The following EXOC4 variants were observed in gnomAD, a reference collection of about 807,000 sequenced individuals.
The protein encoded by EXOC4 is SEC8-like 1.
Under a neutral mutation model 107.2 loss-of-function variants are expected in EXOC4, and 71 were observed. The ratio of observed to expected loss-of-function variants is 0.66; its 90% CI spans 0.55 to 0.81. The LOEUF (loss-of-function observed/expected upper bound fraction) is 0.81, where lower values mean the gene tolerates loss of function less well. Ranked by LOEUF, EXOC4 falls within the 30% of genes least tolerant of loss-of-function variation. EXOC4 has a pLI of 0.00. For synonymous variants in EXOC4, 456 were observed against 441.2 expected (o/e 1.03, Z -0.42); for missense variants, 1,108 against 1,189.6 (o/e 0.93, Z 1.01).
intron 12 of EXOC4, among the ~76,000 whole-genome samples, chr7:133,917,031 A>G (rs1799824954): frequency 1.3e-5 from 2 of 152,196 alleles, no homozygotes; most frequent in South Asian, 4.1e-4. Context: ...GCAGTAATCA[A>G]AGGCTTTTTC....
rs373394233 is a variant in EXOC4, at chr7:134,006,826, CA to C, written c.2528-849del. On this transcript the variant is annotated intron_variant, in intron 16 of 17. Coordinates refer to ENST00000253861, the MANE Select transcript of EXOC4 (RefSeq NM_021807.4). ...AATCCAGCTTTTAAAAATAGTAACC[CA>C]TATGTGCCTCACGTTGTTCTGAACC... is the stretch of plus-strand genomic sequence containing the variant. Among the ~76,000 whole-genome samples the C allele has an allele frequency of 3.9e-5, 6 of 152,278 alleles. No individual in the cohort carries two copies. In the East Asian group the frequency reaches 7.7e-4, roughly 20 times the overall value.
chr7:133,258,681 A>G (rs1232287219), intron 1 of EXOC4, among the ~76,000 whole-genome samples: 5 of 152,180 alleles, frequency 3.3e-5, no homozygotes, highest in Non-Finnish European at 5.9e-5. Flanking sequence ...GATAGCAACC[A>G]GGCTATAATG....
intron 10 of EXOC4, among the ~76,000 whole-genome samples, chr7:133,633,147 A>G (rs1335663725): frequency 6.6e-6 from 1 of 152,196 alleles, no homozygotes; most frequent in African/African-American, 2.4e-5. Context: ...TGCAAAAATG[A>G]AGAAGCCTGA....
At chr7:133,264,697 TATG>T (rs1189376193) in intron 1 of EXOC4, among the ~76,000 whole-genome samples, 7 of 152,288 alleles carry the variant, frequency 4.6e-5, no homozygotes, top group Non-Finnish European at 7.4e-5. Flanking sequence ...AACTCAGAAT[TATG>T]ATGAGGGTCT....
intron 10 of EXOC4, among the ~76,000 whole-genome samples, chr7:133,753,585 T>C (rs1346211488): frequency 6.6e-6 from 1 of 152,236 alleles, no homozygotes; most frequent in Non-Finnish European, 1.5e-5. Context: ...AAGAGCTCGA[T>C]GAATGTTATA....
chr7:133,491,682 A>G (rs1225969643), intron 9 of EXOC4, among the ~76,000 whole-genome samples: 1 of 152,164 alleles, frequency 6.6e-6, no homozygotes, highest in African/African-American at 2.4e-5. Flanking sequence ...GGGGTTCTAG[A>G]TGCTGTAGAA....
chr7:133,821,480 AC>A (rs1174151620), intron 11 of EXOC4, among the ~76,000 whole-genome samples: 1 of 152,206 alleles, frequency 6.6e-6, no homozygotes, highest in East Asian at 1.9e-4. Flanking sequence ...GAGCATTTAG[AC>A]AATTTTTTTT....
At chr7:134,000,129 C>G (rs943892899) in intron 15 of EXOC4, among the ~76,000 whole-genome samples, 17 of 152,094 alleles carry the variant, frequency 1.1e-4, no homozygotes, top group African/African-American at 4.1e-4. Context: ...GGTTCCAACA[C>G]TCAGGTTGCT....
At chr7:133,963,049 A>T (rs1408247173) in intron 14 of EXOC4, among the ~76,000 whole-genome samples, 1 of 152,248 alleles carries the variant, frequency 6.6e-6, no homozygotes, top group African/African-American at 2.4e-5. Flanking sequence ...ACAGGGTGGC[A>T]GCATGATAAA....
intron 10 of EXOC4, among the ~76,000 whole-genome samples, chr7:133,734,740 T>A (rs950882372): frequency 6.6e-6 from 1 of 152,080 alleles, no homozygotes; most frequent in African/African-American, 2.4e-5. Context: ...TTAGATATGC[T>A]GAACTGGTAA....
chr7:133,538,525 G>C (rs754386952), intron 9 of EXOC4, among the ~76,000 whole-genome samples: 3 of 151,984 alleles, frequency 2.0e-5, no homozygotes. Flanking sequence ...GTATGAAAAA[G>C]GATTTGTAGG....
chr7:133,686,807 T>C (rs982717589), intron 10 of EXOC4, among the ~76,000 whole-genome samples: 1 of 152,004 alleles, frequency 6.6e-6, no homozygotes, highest in Non-Finnish European at 1.5e-5. Flanking sequence ...AGAGATTCCT[T>C]AAAGAACTAA....
chr7:133,492,719 CT>C (rs1207271059), intron 9 of EXOC4, among the ~76,000 whole-genome samples: 42 of 152,012 alleles, frequency 2.8e-4, no homozygotes, highest in Non-Finnish European at 5.3e-4. Context: ...AATATGAATT[CT>C]TTAATTTTTA....
chr7:133,527,724 TG>T (rs1800107078), intron 9 of EXOC4, among the ~76,000 whole-genome samples: 1 of 152,180 alleles, frequency 6.6e-6, no homozygotes, highest in Non-Finnish European at 1.5e-5. Context: ...ATTAAAAAAA[TG>T]GCTGTAGTTG....
intron 12 of EXOC4, among the ~76,000 whole-genome samples, chr7:133,896,598 T>C (rs1164597576): frequency 1.3e-5 from 2 of 151,696 alleles, no homozygotes; most frequent in Non-Finnish European, 2.9e-5. Flanking sequence ...GAGAGAAACA[T>C]AAAGGCAGGG....
At chr7:133,986,664 T>A (rs1380678463) in intron 14 of EXOC4, among the ~76,000 whole-genome samples, 1 of 152,196 alleles carries the variant, frequency 6.6e-6, no homozygotes, top group African/African-American at 2.4e-5. Context: ...AATAAATAAT[T>A]TATTTCTTAA....
chr7:133,307,000 T>G (rs1286367210), intron 4 of EXOC4, among the ~76,000 whole-genome samples: 1 of 152,164 alleles, frequency 6.6e-6, no homozygotes, highest in African/African-American at 2.4e-5. Context: ...TACATGTCCT[T>G]CCAATATTCC....
At chr7:133,900,675 A>G (rs985298860) in intron 12 of EXOC4, among the ~76,000 whole-genome samples, 1 of 152,030 alleles carries the variant, frequency 6.6e-6, no homozygotes, top group Non-Finnish European at 1.5e-5. Context: ...TGCCTGAATC[A>G]GGGGACAGGG....
At chr7:133,848,048 C>T (rs1379765223) in intron 11 of EXOC4, among the ~76,000 whole-genome samples, 1 of 151,844 alleles carries the variant, frequency 6.6e-6, no homozygotes, top group Non-Finnish European at 1.5e-5. Flanking sequence ...ACTTCTAATT[C>T]CTCACAGCTA....
Sources: allele counts gnomAD v4.1 joint callset (sites outside exome capture counted in the v4.1 genomes callset), GRCh38; gene constraint gnomAD v4.1.1; transcripts MANE v1.5; gene names NCBI Gene and HGNC (gene_info 2026-07-23, HGNC 2026-07-21).